Variants in CEP250 observed in about 807,000 individuals in gnomAD.
CEP250 encodes the protein centrosome-associated protein CEP250.
Under a neutral mutation model 315.7 loss-of-function variants are expected in CEP250, and 242 were observed. That is an observed-to-expected ratio of 0.77 (90% CI 0.69 to 0.85). The LOEUF is 0.85. CEP250 is among the 40% of genes least tolerant of loss of function. CEP250 has a pLI of 0.00. For synonymous variants in CEP250, 1,088 were observed against 1,175.0 expected, an observed-to-expected ratio of 0.93 and a Z score of 1.51; for missense variants, 2,515 against 2,886.4, an observed-to-expected ratio of 0.87 and a Z score of 2.95.
chr20:35,490,110 C>T (rs756100910), intron 20 of CEP250, among the ~76,000 whole-genome samples: 4 of 152,124 alleles, frequency 2.6e-5, no homozygotes, highest in Admixed American at 6.6e-5. Context: ...GTCAGGAGTT[C>T]ATGACCAGCC....
At chr20:35,470,874 A>T (rs149747264) in intron 10 of CEP250, among the ~76,000 whole-genome samples, 3 of 152,356 alleles carry the variant, frequency 2.0e-5, no homozygotes, top group African/African-American at 7.2e-5. Context: ...GTAGTTGAAC[A>T]GCCTGTCTTG....
Position 35,462,287 on chromosome 20 carries a change from A to G in CEP250, c.-81A>G. ...CAGTTCAAGAGGAGGTTGAAGTGGCATGGCAATGGTTAGAGACCCTGCTGG... is the reference window on the plus strand; with the variant it reads ...CAGTTCAAGAGGAGGTTGAAGTGGCGTGGCAATGGTTAGAGACCCTGCTGG... On this transcript the variant is annotated 5_prime_UTR_variant, in exon 4 of 35. It removes an upstream start codon present in the reference 5' UTR. Transcript: ENST00000397527. 2 of 1,133,232 alleles carry G rather than the reference A, an allele frequency of 1.8e-6. No homozygotes were observed. Among genetic ancestry groups the G allele is most frequent in the Middle Eastern group, 2.9e-4 (1 of 3,394 alleles). The allele number at this position is 1,133,232 out of a possible 1,614,324, so 70.2% of individuals were successfully genotyped here.
rs748499812 is a variant in CEP250 at position 35,479,292 on chromosome 20, G to A, written c.2156G>A (p.Arg719Gln). ...GAGCAGCTACATCAGGAGGCAAAGC[G>A]ACAGGAAGAAGTGCTTGCCAGGGCA... Reference protein sequence around the residue: ...QLEQLHQEAKRQEEVLARAVQ... With the variant: ...QLEQLHQEAKQQEEVLARAVQ... The change falls in exon 18 of 35, where the codon CGA becomes CAA. Residue 719 changes from arginine to glutamine, a missense_variant. Transcript: ENST00000397527. 2.5e-5 allele frequency: 40 copies of A among 1,614,066 alleles called. No homozygotes were observed. The highest frequency in any genetic ancestry group is 1.3e-4 in the South Asian group (12 of 91,090).
chr20:35,491,099 G>A (rs2063676592), intron 21 of CEP250, 113 bp from the exon 22 acceptor site: 1 of 1,329,016 alleles, frequency 7.5e-7, no homozygotes, highest in Non-Finnish European at 1.0e-6. Context: ...TTTGCCCTCA[G>A]CCCCTTCCCA....
chr20:35,485,566 C>G (rs1240694703), intron 20 of CEP250, among the ~76,000 whole-genome samples: 1 of 148,880 alleles, frequency 6.7e-6, no homozygotes, highest in East Asian at 2.0e-4. Context: ...TCATAGCTCA[C>G]TGCAGCCTCA....
At chr20:35,459,675 G>A (rs1376502593) in intron 2 of CEP250, among the ~76,000 whole-genome samples, 2 of 151,846 alleles carry the variant, frequency 1.3e-5, no homozygotes, top group Non-Finnish European at 2.9e-5. Flanking sequence ...CCTCTGAAGG[G>A]TGAGGCTGGA....
At chr20:35,510,460 C>G (rs962474965) in intron 34 of CEP250, among the ~76,000 whole-genome samples, 2 of 152,216 alleles carry the variant, frequency 1.3e-5, no homozygotes, top group African/African-American at 2.4e-5. Context: ...GCACAAGCTC[C>G]AGGCCACACA....
chr20:35,469,159 T>TA (rs375978940), intron 9 of CEP250, among the ~76,000 whole-genome samples: 128 of 151,856 alleles, frequency 8.4e-4, no homozygotes, highest in African/African-American at 3.0e-3. Context: ...AAAGTAAAAA[T>TA]AAAAAAAGAA....
At chr20:35,487,787 A>T (rs955801221) in intron 20 of CEP250, among the ~76,000 whole-genome samples, 1 of 152,184 alleles carries the variant, frequency 6.6e-6, no homozygotes, top group African/African-American at 2.4e-5. Flanking sequence ...ATAAAATATA[A>T]AAAGAGAAGT....
chr20:35,506,745 G>A (rs1189522488), intron 30 of CEP250, among the ~76,000 whole-genome samples: 2 of 152,118 alleles, frequency 1.3e-5, no homozygotes, highest in African/African-American at 2.4e-5. Context: ...GTAACCCCGG[G>A]TGAATGCCTT....
At position 35,514,048 on chromosome 20, in the gene CEP250, G is replaced by A. The variant is rs1390370660; in HGVS notation, c.*2422G>A. ...CCAGTAGCAGGATTGCCTCTGTGGA[G>A]TGTCCCACCAATAATGGTGACAACT... On this transcript the variant is annotated 3_prime_UTR_variant, in exon 35 of 35. Coordinates refer to ENST00000397527, the MANE Select transcript of CEP250 (RefSeq NM_007186.6). The A allele has an allele frequency of 6.6e-6, 1 of 152,282 alleles. No homozygotes were observed. Among genetic ancestry groups the A allele is most frequent in the Non-Finnish European group, 1.5e-5 (1 of 68,078 alleles). 9.4% of individuals were successfully genotyped at this position (152,282 alleles called of 1,614,324 possible).
rs2064068134 is a variant in CEP250 at position 35,503,202 on chromosome 20, C to G, written c.4833C>G (p.Ile1611Met). 1.2e-6 allele frequency: 2 copies of G among 1,613,982 alleles called. No homozygotes were observed. The highest frequency in any genetic ancestry group is 1.3e-5 in the African/African-American group (1 of 74,926). ...AGCTGCAGGCACAAAGCAGCCAGATCCATGACCTGGAGAGCCACAGCACCG... is the reference window on the plus strand; with the variant it reads ...AGCTGCAGGCACAAAGCAGCCAGATGCATGACCTGGAGAGCCACAGCACCG... The part of the protein sequence containing the change: ...SQELQAQSSQ[I>M]HDLESHSTVL... The change falls in exon 30 of 35, where the codon ATC (isoleucine) becomes ATG (methionine). Residue 1611 changes from isoleucine (I) to methionine (M), a missense_variant. Transcript: ENST00000397527. This position sits in a 1 kb window ranked among gnomAD's most constrained non-coding sequence, Gnocchi z 4.2.
intron 24 of CEP250, among the ~76,000 whole-genome samples, chr20:35,495,786 T>A (rs566527578): frequency 4.6e-5 from 7 of 151,904 alleles, no homozygotes; most frequent in Admixed American, 3.9e-4. Context: ...AGACACAGTT[T>A]GAGAAGGGAC....
intron 22 of CEP250, 103 bp from the exon 23 acceptor site, chr20:35,493,324 ATG>A (rs1302288131): frequency 1.9e-6 from 2 of 1,080,214 alleles, no homozygotes; most frequent in Non-Finnish European, 2.6e-6. Context: ...GGTGGAAACA[ATG>A]TGGATTGCTG....
chr20:35,482,227 A>T (rs2063368075), intron 20 of CEP250, among the ~76,000 whole-genome samples: 1 of 137,126 alleles, frequency 7.3e-6, no homozygotes, highest in African/African-American at 2.9e-5. Context: ...GTTTATTATT[A>T]TTTTTTTGTT....
Position 35,511,570 on chromosome 20 carries a change from C to G in CEP250, c.7273C>G (p.Pro2425Ala). 1 of 1,613,836 alleles carries G rather than the reference C, an allele frequency of 6.2e-7. No individual in the cohort carries two copies. The highest frequency in any genetic ancestry group is 8.5e-7 in the Non-Finnish European group (1 of 1,179,978). Reference sequence around the variant, plus strand: ...GTCCCTGACTCAAAGTCTGACATCCCCAGGGCCAGTCCTGCTACACCCCAG... The same window carrying G: ...GTCCCTGACTCAAAGTCTGACATCCGCAGGGCCAGTCCTGCTACACCCCAG... The part of the protein sequence containing the change: ...DESLTQSLTS[P>A]GPVLLHPSPS... Residue 2425 changes from proline to alanine, a missense_variant, in exon 35 of 35, where the codon CCA becomes GCA. Coordinates refer to ENST00000397527, the MANE Select transcript of CEP250 (RefSeq NM_007186.6).
At chr20:35,472,920 C>A in intron 12 of CEP250, 89 bp downstream of exon 12, 1 of 1,343,896 alleles carries the variant, frequency 7.4e-7, no homozygotes, top group South Asian at 1.3e-5. Context: ...TGGACTATCC[C>A]TTTCACTTTT....
rs1293283148 is a variant in CEP250, at chr20:35,516,811, G to T, written c.*5185G>T. 1 of 176,682 alleles carries T rather than the reference G, an allele frequency of 5.7e-6. No individual in the cohort carries two copies. The highest frequency in any genetic ancestry group is 2.4e-5 in the African/African-American group (1 of 41,888). The allele number at this position is 176,682 out of a possible 1,614,324, so 10.9% of individuals were successfully genotyped here. Reference sequence around the variant, plus strand: ...GAGGGCTTGAAGGCCCTTTCAAAGTGTCAAGCCAGTTGGATGCACGGGTTG... The same window carrying T: ...GAGGGCTTGAAGGCCCTTTCAAAGTTTCAAGCCAGTTGGATGCACGGGTTG... On this transcript the variant is annotated 3_prime_UTR_variant, in exon 35 of 35. Transcript: ENST00000397527.
At position 35,517,029 on chromosome 20, in the gene CEP250, A is replaced by C; in HGVS notation, c.*5403A>C. 1 of 985,550 alleles carries C rather than the reference A, an allele frequency of 1.0e-6. No individual in the cohort carries two copies. The highest frequency in any genetic ancestry group is 1.2e-6 in the Non-Finnish European group (1 of 830,004). 61.1% of individuals were successfully genotyped at this position (985,550 alleles called of 1,614,324 possible). On this transcript the variant is annotated 3_prime_UTR_variant, in exon 35 of 35. Transcript: ENST00000397527. Reference sequence around the variant, plus strand: ...ATGCTGACTCAGACACCGGGCACTGAGAAAAGTGGGAAGCCATGGTCACAG... The same window carrying C: ...ATGCTGACTCAGACACCGGGCACTGCGAAAAGTGGGAAGCCATGGTCACAG...
Sources: allele counts gnomAD v4.1 joint callset (sites outside exome capture counted in the v4.1 genomes callset), GRCh38; gene constraint gnomAD v4.1.1; non-coding constraint Gnocchi (gnomAD v3.1); transcripts MANE v1.5; gene names NCBI Gene and HGNC (gene_info 2026-07-23, HGNC 2026-07-21).